The following CD83 variants were observed in gnomAD, a reference collection of about 807,000 sequenced individuals.
The protein encoded by CD83 is CD83 antigen.
A neutral mutation model predicts 24.6 loss-of-function variants in CD83; 22 were observed. The ratio of observed to expected loss-of-function variants is 0.90; its 90% confidence interval spans 0.64 to 1.28. The LOEUF is 1.28. Ranked by LOEUF, CD83 falls within the 50% of genes most tolerant of loss-of-function variation. CD83 has a pLI of 0.00. For synonymous variants in CD83, 101 were observed against 103.5 expected (o/e 0.98, Z 0.14); for missense variants, 253 against 252.8 (o/e 1.00, Z -0.01).
intron 4 of CD83, among the ~76,000 whole-genome samples, chr6:14,133,956 C>T (rs1757984059): frequency 6.6e-6 from 1 of 151,758 alleles, no homozygotes; most frequent in Admixed American, 6.6e-5. Flanking sequence ...CTAGTGGCTA[C>T]GTTTAGAGCA....
At chr6:14,120,657 G>A (rs1310213557) in intron 2 of CD83, among the ~76,000 whole-genome samples, 1 of 152,222 alleles carries the variant, frequency 6.6e-6, no homozygotes, top group Non-Finnish European at 1.5e-5. Flanking sequence ...TCTGCAGGCT[G>A]TCTGCATATC....
intron 3 of CD83, 46 bp from the exon 4 acceptor site, chr6:14,133,603 A>G (rs747455532): frequency 1.5e-6 from 2 of 1,337,592 alleles, no homozygotes; most frequent in South Asian, 1.2e-5. Flanking sequence ...TTCATGGTAG[A>G]AAAATCCTGT....
chr6:14,135,087 A>G (rs974591512), intron 4 of CD83, 21 bp from the exon 5 acceptor site: 1 of 1,612,850 alleles, frequency 6.2e-7, no homozygotes, highest in Admixed American at 1.7e-5. Flanking sequence ...TTCACTTCAC[A>G]TTTCTTTCAT....
At chr6:14,122,605 C>A (rs1018962568) in intron 2 of CD83, among the ~76,000 whole-genome samples, 4 of 151,978 alleles carry the variant, frequency 2.6e-5, no homozygotes, top group African/African-American at 9.7e-5. Flanking sequence ...AAATGTAGAA[C>A]CATTGAATTA....
In CD83 at chr6:14,131,517, C is replaced by T. The variant is rs760101151; in HGVS notation, c.154-3C>T. The T allele has an allele frequency of 2.5e-6, 4 of 1,608,540 alleles. No homozygotes were observed. Among genetic ancestry groups the T allele is most frequent in the African/African-American group, 2.7e-5 (2 of 74,786 alleles). The stretch of plus-strand genomic sequence containing the variant: ...GTGATGCGCTCTGATTCCTTCTTCA[C>T]AGTTATTGGAGGGTGGTGAAGAGAG... On this transcript the variant is annotated splice_polypyrimidine_tract_variant and splice_region_variant and intron_variant, in intron 2 of 4. Transcript: ENST00000379153.
intron 2 of CD83, among the ~76,000 whole-genome samples, chr6:14,118,680 C>T (rs983209400): frequency 8.5e-5 from 13 of 152,292 alleles, no homozygotes; most frequent in Non-Finnish European, 4.4e-5. Flanking sequence ...GATGCATGAG[C>T]CGGAGCCCGC....
intron 4 of CD83, among the ~76,000 whole-genome samples, 183 bp from the exon 5 acceptor site, chr6:14,134,925 C>T (rs935085652): frequency 2.6e-5 from 4 of 152,142 alleles, no homozygotes; most frequent in Non-Finnish European, 5.9e-5. Context: ...ATCTCCTGGT[C>T]CAAGTTTAGA....
intron 2 of CD83, among the ~76,000 whole-genome samples, chr6:14,126,996 T>A (rs947574246): frequency 6.6e-6 from 1 of 152,112 alleles, no homozygotes; most frequent in East Asian, 1.9e-4. Flanking sequence ...TTTATTTTTT[T>A]ATTTTTTTTT....
At chr6:14,133,560 C>T (rs1424980759) in intron 3 of CD83, 89 bp from the exon 4 acceptor site, 2 of 855,562 alleles carry the variant, frequency 2.3e-6, no homozygotes, top group African/African-American at 3.4e-5. Context: ...AGCAGGACTC[C>T]AGGACCAAGG....
At position 14,131,374 on chromosome 6, in the gene CD83, C is replaced by G. The variant is rs983566408; in HGVS notation, c.154-146C>G. On this transcript the variant is annotated intron_variant, in intron 2 of 4. Transcript: ENST00000379153. ...GGAATTTTCATAGATCTTTCCTCCC[C>G]CAGAGGTCACACACACACAAAAGCA... The G allele has an allele frequency of 1.8e-5, 11 of 628,388 alleles. No individual in the cohort carries two copies. The African/African-American group carries it at 1.8e-4, about 11-fold the overall frequency. 38.9% of individuals were successfully genotyped at this position (628,388 alleles called of 1,614,324 possible).
intron 2 of CD83, among the ~76,000 whole-genome samples, chr6:14,118,587 G>A (rs7768355): frequency 0.21 from 32,140 of 152,066 alleles, 3,588 homozygotes; most frequent in Admixed American, 0.26. Flanking sequence ...AGTTATCAGT[G>A]GTCATCTCCT....
intron 2 of CD83, among the ~76,000 whole-genome samples, chr6:14,122,147 C>T (rs1365950907): frequency 6.6e-6 from 1 of 152,092 alleles, no homozygotes; most frequent in East Asian, 1.9e-4. Context: ...ATATAAAAGT[C>T]TACTATAAAT....
intron 2 of CD83, among the ~76,000 whole-genome samples, chr6:14,126,070 C>T (rs1454366674): frequency 2.6e-5 from 4 of 152,044 alleles, no homozygotes; most frequent in African/African-American, 4.8e-5. Flanking sequence ...CTCCAGATCA[C>T]GAAATGGGGC....
Position 14,133,639 on chromosome 6 carries a change from T to G in CD83, c.383-10T>G. The G allele has an allele frequency of 5.1e-6, 8 of 1,569,406 alleles. No homozygotes were observed. The South Asian group carries it at 9.3e-5, about 18-fold the overall frequency. ...TAAAATGGCTTCACATGTCGCTTAC[T>G]TTTTTAAAGGATGCCCTGCACAGCG... On this transcript the variant is annotated splice_polypyrimidine_tract_variant and intron_variant, in intron 3 of 4. Coordinates refer to ENST00000379153, the MANE Select transcript of CD83 (RefSeq NM_004233.4).
intron 2 of CD83, among the ~76,000 whole-genome samples, chr6:14,119,898 A>G (rs1036344151): frequency 3.3e-5 from 5 of 152,250 alleles, no homozygotes; most frequent in African/African-American, 1.2e-4. Flanking sequence ...CTTCTTGCAC[A>G]GGGTCATTTG....
chr6:14,120,703 C>G (rs1383245455), intron 2 of CD83, among the ~76,000 whole-genome samples: 1 of 152,230 alleles, frequency 6.6e-6, no homozygotes, highest in Non-Finnish European at 1.5e-5. Flanking sequence ...ATTTAAAATT[C>G]TATTCACCAC....
At chr6:14,121,111 G>A (rs1221481609) in intron 2 of CD83, among the ~76,000 whole-genome samples, 2 of 152,204 alleles carry the variant, frequency 1.3e-5, no homozygotes, top group Non-Finnish European at 2.9e-5. Flanking sequence ...CATAATGGGT[G>A]ATTGAGAAGA....
In CD83 at chr6:14,118,043, C is replaced by T; in HGVS notation, c.131C>T (p.Pro44Leu). 1 of 1,609,220 alleles carries T rather than the reference C, an allele frequency of 6.2e-7. No individual in the cohort carries two copies. Among genetic ancestry groups the T allele is most frequent in the Non-Finnish European group, 8.5e-7 (1 of 1,178,522 alleles). Residue 44 changes from proline to leucine, a missense_variant, in exon 2 of 5, where the codon CCC becomes CTC. Transcript: ENST00000379153. ...ACCGCCCCCTGGGATCCGCAGGTTC[C>T]CTACACGGTCTCCTGGGTCAAGGTA... ...PCTAPWDPQVPYTVSWVKLLE... is the reference protein window; with the variant it reads ...PCTAPWDPQVLYTVSWVKLLE...
Position 14,136,605 on chromosome 6 carries a change from A to G in CD83, c.*1369A>G, listed in dbSNP as rs145163726. ...CTGTCCCCCTAATATTAGGGAGTAAAACGGATACCAAGTTGATTTAGTGTT... is the reference window on the plus strand; with the variant it reads ...CTGTCCCCCTAATATTAGGGAGTAAGACGGATACCAAGTTGATTTAGTGTT... On this transcript the variant is annotated 3_prime_UTR_variant, in exon 5 of 5. Coordinates refer to ENST00000379153, the MANE Select transcript of CD83 (RefSeq NM_004233.4). 274 of 152,258 alleles carry G rather than the reference A, an allele frequency of 1.8e-3. 2 individuals carry two copies. The highest frequency in any genetic ancestry group is 6.2e-3 in the African/African-American group (259 of 41,524). 9.4% of individuals were successfully genotyped at this position (152,258 alleles called of 1,614,324 possible).
Sources: allele counts gnomAD v4.1 joint callset (sites outside exome capture counted in the v4.1 genomes callset), GRCh38; gene constraint gnomAD v4.1.1; transcripts MANE v1.5; gene names NCBI Gene and HGNC (gene_info 2026-07-23, HGNC 2026-07-21).